Variants in ZNF385D observed in about 807,000 individuals in gnomAD.
ZNF385D encodes zinc finger protein 659.
Under a neutral mutation model 35.8 loss-of-function variants are expected in ZNF385D, and 15 were observed. That is an observed-to-expected ratio of 0.42 (90% CI 0.28 to 0.64). The LOEUF (loss-of-function observed/expected upper bound fraction) is 0.64, where lower values mean the gene tolerates loss of function less well. ZNF385D is among the 30% of genes least tolerant of loss of function. The pLI is 0.23. For missense variants in ZNF385D, 474 were observed against 494.6 expected, an observed-to-expected ratio of 0.96 and a Z score of 0.39; for synonymous variants, 212 against 186.8, an observed-to-expected ratio of 1.13 and a Z score of -1.10.
chr3:21,947,813 G>T (rs1267022580), intron 3 of ZNF385D, among the ~76,000 whole-genome samples: 18 of 152,082 alleles, frequency 1.2e-4, no homozygotes, highest in Non-Finnish European at 2.5e-4. Context: ...GTTATGCTTA[G>T]AAAGACTCTT....
intron 3 of ZNF385D, among the ~76,000 whole-genome samples, chr3:22,137,322 G>C (rs1047433075): frequency 6.6e-6 from 1 of 152,054 alleles, no homozygotes; most frequent in Non-Finnish European, 1.5e-5. Context: ...CTCATTTTAC[G>C]AGGCCAGCAT....
intron 2 of ZNF385D, among the ~76,000 whole-genome samples, chr3:22,315,539 G>A (rs1703840330): frequency 6.6e-6 from 1 of 152,158 alleles, no homozygotes; most frequent in South Asian, 2.1e-4. Flanking sequence ...ATGAGTGAGA[G>A]GAGTGGCATG....
At chr3:21,700,240 G>C (rs1279172733) in intron 1 of ZNF385D, among the ~76,000 whole-genome samples, 8 of 152,122 alleles carry the variant, frequency 5.3e-5, no homozygotes. Context: ...CTCAATTAAG[G>C]TGATACTGGT....
chr3:21,592,905 T>TG (rs1350957444), intron 2 of ZNF385D, among the ~76,000 whole-genome samples: 1 of 152,106 alleles, frequency 6.6e-6, no homozygotes, highest in Non-Finnish European at 1.5e-5. Flanking sequence ...AGCAGGCCCC[T>TG]TGTTTTAACA....
In ZNF385D at chr3:21,510,393, A is replaced by T. The variant is rs576203076; in HGVS notation, c.439+468T>A. Reference sequence around the variant, plus strand: ...CAGTATCACACAGCCACTACTTAAAACAATGCAGTATTTGGAATTTATGAC... The same window carrying T: ...CAGTATCACACAGCCACTACTTAAATCAATGCAGTATTTGGAATTTATGAC... On this transcript the variant is annotated intron_variant, in intron 4 of 7. Transcript: ENST00000281523. Among the ~76,000 whole-genome samples, 7 of 152,324 alleles carry T rather than the reference A, an allele frequency of 4.6e-5. No individual in the cohort carries two copies. The South Asian group carries it at 1.4e-3, about 32-fold the overall frequency.
intron 3 of ZNF385D, among the ~76,000 whole-genome samples, chr3:21,831,486 T>C (rs1228349888): frequency 1.3e-5 from 2 of 152,202 alleles, no homozygotes; most frequent in African/African-American, 4.8e-5. Flanking sequence ...TTAGCTTTGT[T>C]CCAAGCTAGT....
intron 4 of ZNF385D, among the ~76,000 whole-genome samples, chr3:21,453,468 T>C (rs1559460719): frequency 6.6e-6 from 1 of 151,962 alleles, no homozygotes; most frequent in Admixed American, 6.6e-5. Flanking sequence ...AAATTATGTA[T>C]CTGATATAGG....
chr3:21,837,931 A>G (rs905714987), intron 3 of ZNF385D, among the ~76,000 whole-genome samples: 1 of 151,814 alleles, frequency 6.6e-6, no homozygotes, highest in African/African-American at 2.4e-5. Flanking sequence ...ATAATATTGC[A>G]AATGACGGTG....
chr3:22,097,465 T>C (rs910596259), intron 3 of ZNF385D, among the ~76,000 whole-genome samples: 1 of 152,006 alleles, frequency 6.6e-6, no homozygotes, highest in Admixed American at 6.6e-5. Flanking sequence ...TATTGGAAAC[T>C]GGAAGAAATT....
chr3:22,099,419 C>T (rs1428031022), intron 3 of ZNF385D, among the ~76,000 whole-genome samples: 2 of 151,992 alleles, frequency 1.3e-5, no homozygotes, highest in Admixed American at 1.3e-4. Context: ...ATTATTAGAA[C>T]ATTGTAGTGA....
At chr3:21,615,048 G>A (rs116138280) in intron 2 of ZNF385D, among the ~76,000 whole-genome samples, 1 of 152,206 alleles carries the variant, frequency 6.6e-6, no homozygotes, top group African/African-American at 2.4e-5. Flanking sequence ...TGAAAGATAA[G>A]TGATATGTTT....
At chr3:22,154,167 G>C (rs914599763) in intron 3 of ZNF385D, among the ~76,000 whole-genome samples, 25 of 152,252 alleles carry the variant, frequency 1.6e-4, no homozygotes, top group Middle Eastern at 6.8e-3. Flanking sequence ...GGTTGTTTGG[G>C]TGCCCAGCTA....
At chr3:22,036,755 A>G (rs1198461483) in intron 3 of ZNF385D, among the ~76,000 whole-genome samples, 4 of 148,982 alleles carry the variant, frequency 2.7e-5, no homozygotes, top group African/African-American at 7.4e-5. Context: ...GTACATGTGC[A>G]CAACGTGCAA....
intron 4 of ZNF385D, among the ~76,000 whole-genome samples, chr3:21,447,586 G>C (rs1295409715): frequency 6.6e-6 from 1 of 152,096 alleles, no homozygotes; most frequent in East Asian, 1.9e-4. Flanking sequence ...CCTTCTGCTG[G>C]CCATGTGCCT....
intron 2 of ZNF385D, among the ~76,000 whole-genome samples, chr3:22,303,009 T>C (rs1030930564): frequency 9.2e-5 from 14 of 152,180 alleles, no homozygotes; most frequent in African/African-American, 2.9e-4. Flanking sequence ...ATTTGAAAGA[T>C]GATAGTTCAT....
At position 21,695,727 on chromosome 3, in the gene ZNF385D, A is replaced by C. The variant is rs908521319; in HGVS notation, c.23-30699T>G. Among the ~76,000 whole-genome samples the C allele has an allele frequency of 2.0e-5, 3 of 151,316 alleles. No individual in the cohort carries two copies. In the East Asian group the frequency reaches 5.9e-4, roughly 30 times the overall value. On this transcript the variant is annotated intron_variant, in intron 1 of 7. Transcript: ENST00000281523. ...TCCTCATAACAATTTTATCCTTGCT[A>C]GTCAAACTGCAGGTGCTGTTAAATA...
rs535286652 is a variant in ZNF385D, at chr3:21,700,509, G to A, written c.23-35481C>T. ...TTCTTTTCCTGAGAATGAACAGCCA[G>A]GATTAACCCATCTTTAGGGATTACA... On this transcript the variant is annotated intron_variant, in intron 1 of 7. Coordinates refer to ENST00000281523, the MANE Select transcript of ZNF385D (RefSeq NM_024697.3). Among the ~76,000 whole-genome samples, 9 of 152,164 alleles carry A rather than the reference G, an allele frequency of 5.9e-5. No individual in the cohort carries two copies. The East Asian group carries it at 1.2e-3, about 20-fold the overall frequency.
At chr3:22,327,911 C>T (rs1426280827) in intron 2 of ZNF385D, among the ~76,000 whole-genome samples, 1 of 152,134 alleles carries the variant, frequency 6.6e-6, no homozygotes, top group Non-Finnish European at 1.5e-5. Context: ...ATAACAAAAC[C>T]TAATAATTTT....
chr3:21,946,912 T>C (rs758491637), intron 3 of ZNF385D, among the ~76,000 whole-genome samples: 3 of 152,234 alleles, frequency 2.0e-5, no homozygotes, highest in Non-Finnish European at 4.4e-5. Context: ...TAAGAAGCCA[T>C]ATCACATTGC....
Sources: allele counts gnomAD v4.1 joint callset (sites outside exome capture counted in the v4.1 genomes callset), GRCh38; gene constraint gnomAD v4.1.1; transcripts MANE v1.5; gene names NCBI Gene and HGNC (gene_info 2026-07-23, HGNC 2026-07-21).